Variants in VTI1B observed in about 807,000 individuals in gnomAD.
The protein encoded by VTI1B is vesicle transport through interaction with t-SNAREs 1B, also known as vesicle transport through interaction with t-SNAREs homolog 1B.
A neutral mutation model predicts 28.6 loss-of-function variants in VTI1B; 18 were observed. The ratio of observed to expected loss-of-function variants is 0.63; its 90% confidence interval spans 0.43 to 0.93. The LOEUF (loss-of-function observed/expected upper bound fraction) is 0.93. Ranked by LOEUF, VTI1B falls within the 40% of genes least tolerant of loss-of-function variation. VTI1B has a pLI of 0.00. For missense variants in VTI1B, 283 were observed against 297.0 expected (o/e 0.95, Z 0.35); for synonymous variants, 100 against 107.9 (o/e 0.93, Z 0.46).
At chr14:67,672,689 C>T (rs151164215) in intron 1 of VTI1B, among the ~76,000 whole-genome samples, 131 of 147,008 alleles carry the variant, frequency 8.9e-4, no homozygotes, top group African/African-American at 3.0e-3. Flanking sequence ...GTGATCCGCC[C>T]GCCTCGGCTT....
At chr14:67,657,456 C>T (rs2037272709) in intron 3 of VTI1B, among the ~76,000 whole-genome samples, 1 of 152,120 alleles carries the variant, frequency 6.6e-6, no homozygotes, top group African/African-American at 2.4e-5. Flanking sequence ...TTTCTAAATC[C>T]CCACCGAAGT....
At chr14:67,673,297 T>G (rs1200931534) in intron 1 of VTI1B, among the ~76,000 whole-genome samples, 1 of 151,972 alleles carries the variant, frequency 6.6e-6, no homozygotes, top group Non-Finnish European at 1.5e-5. Flanking sequence ...TGAGCCGAGA[T>G]CGTGCCACTG....
At chr14:67,662,359 A>T in intron 2 of VTI1B, 118 bp downstream of exon 2, 1 of 955,460 alleles carries the variant, frequency 1.0e-6, no homozygotes, top group Non-Finnish European at 1.6e-6. Flanking sequence ...ATTTAGTAAG[A>T]AATAGTCAAA....
chr14:67,660,885 A>G (rs933353282), intron 2 of VTI1B, among the ~76,000 whole-genome samples: 11 of 152,350 alleles, frequency 7.2e-5, no homozygotes, highest in African/African-American at 2.6e-4. Flanking sequence ...GAGAATGGCT[A>G]CAAACAGGTA....
rs369339972 is a variant in VTI1B at position 67,650,934 on chromosome 14, C to A, written c.*451G>T. 1.6e-5 allele frequency: 26 copies of A among 1,611,548 alleles called. No individual in the cohort carries two copies. The African/African-American group carries it at 3.2e-4, about 20-fold the overall frequency. The stretch of plus-strand genomic sequence containing the variant: ...GTGAGAATTTAGGAGACACTGTGCA[C>A]TGACATGTTTCACAACAGGCATTCC... On this transcript the variant is annotated 3_prime_UTR_variant, in exon 6 of 6. Coordinates refer to ENST00000554659, the MANE Select transcript of VTI1B (RefSeq NM_006370.3).
chr14:67,666,217 G>A (rs1351950166), intron 1 of VTI1B, among the ~76,000 whole-genome samples: 1 of 152,072 alleles, frequency 6.6e-6, no homozygotes, highest in Non-Finnish European at 1.5e-5. Context: ...ACTGTGTTTA[G>A]TCATAAATTC....
chr14:67,661,527 AC>A (rs1349558478), intron 2 of VTI1B, among the ~76,000 whole-genome samples: 3 of 136,076 alleles, frequency 2.2e-5, no homozygotes, highest in Non-Finnish European at 4.7e-5. Context: ...AAGAACAGTA[AC>A]CTTTTTTTTT....
intron 1 of VTI1B, among the ~76,000 whole-genome samples, chr14:67,670,153 C>T (rs1309079071): frequency 6.6e-6 from 1 of 152,174 alleles, no homozygotes; most frequent in African/African-American, 2.4e-5. Flanking sequence ...TTAACACAGT[C>T]CCCTGTACCC....
At position 67,651,160 on chromosome 14, in the gene VTI1B, C is replaced by A; in HGVS notation, c.*225G>T. On this transcript the variant is annotated 3_prime_UTR_variant, in exon 6 of 6. Transcript: ENST00000554659. ...CAGTACTATGTAAATTTAAAGAAGT[C>A]ATAAACAGCATTTATTACCTTGGTA... The A allele has an allele frequency of 1.0e-6, 1 of 976,056 alleles. No homozygotes were observed. The highest frequency in any genetic ancestry group is 1.5e-6 in the Non-Finnish European group (1 of 679,564). The allele number at this position is 976,056 out of a possible 1,614,324, so 60.5% of individuals were successfully genotyped here.
At chr14:67,673,914 C>T (rs560583934) in intron 1 of VTI1B, among the ~76,000 whole-genome samples, 7 of 152,312 alleles carry the variant, frequency 4.6e-5, no homozygotes, top group African/African-American at 1.4e-4. Context: ...GCTCTCTACC[C>T]TCCAATAACT....
Position 67,662,457 on chromosome 14 carries a change from A to G in VTI1B, c.174+20T>C. On this transcript the variant is annotated intron_variant, in intron 2 of 5. Coordinates refer to ENST00000554659, the MANE Select transcript of VTI1B (RefSeq NM_006370.3). ...GACCAACACCAGGTAGAAGAAACAA[A>G]ATTTGTTCCTTGTTCTCACCGTTTC... is the stretch of plus-strand genomic sequence containing the variant. 3 of 1,610,620 alleles carry G rather than the reference A, an allele frequency of 1.9e-6. No individual in the cohort carries two copies. The highest frequency in any genetic ancestry group is 2.5e-6 in the Non-Finnish European group (3 of 1,178,274).
chr14:67,671,054 G>C (rs2037459275), intron 1 of VTI1B, among the ~76,000 whole-genome samples: 1 of 152,236 alleles, frequency 6.6e-6, no homozygotes. Context: ...AGAGGATTCA[G>C]AGATGAGGCA....
chr14:67,660,794 G>C (rs776084779), intron 2 of VTI1B, among the ~76,000 whole-genome samples: 18 of 152,188 alleles, frequency 1.2e-4, no homozygotes, highest in Non-Finnish European at 4.4e-5. Flanking sequence ...TGAGTTTGGA[G>C]AAAACAAGTA....
At position 67,650,655 on chromosome 14, in the gene VTI1B, G is replaced by T; in HGVS notation, c.*730C>A. On this transcript the variant is annotated 3_prime_UTR_variant, in exon 6 of 6. Coordinates refer to ENST00000554659, the MANE Select transcript of VTI1B (RefSeq NM_006370.3). ...CTTGTTCTCCCTGTCCCAGTGGGAT[G>T]ACCCTCACTGAGAGTAGCAGCAAGG... 1 of 1,466,106 alleles carries T rather than the reference G, an allele frequency of 6.8e-7. No homozygotes were observed. The highest frequency in any genetic ancestry group is 1.1e-5 in the South Asian group (1 of 87,764). 90.8% of individuals were successfully genotyped at this position (1,466,106 alleles called of 1,614,324 possible). A position where few individuals can be genotyped will look rare whatever the true frequency, so the allele number is the denominator to read the frequency against.
intron 3 of VTI1B, among the ~76,000 whole-genome samples, chr14:67,657,622 ACC>A (rs1491311684): frequency 1.9e-3 from 265 of 136,596 alleles, no homozygotes; most frequent in Middle Eastern, 4.0e-3. Flanking sequence ...ACACACACAC[ACC>A]CAAAATCAAA....
intron 1 of VTI1B, 39 bp downstream of exon 1, chr14:67,674,336 G>A (rs2037506872): frequency 6.5e-7 from 1 of 1,532,390 alleles, no homozygotes; most frequent in African/African-American, 1.4e-5. Flanking sequence ...AAAGCGCGCA[G>A]GGCTGCGCTC....
At chr14:67,666,180 CTCCT>C (rs1399739316) in intron 1 of VTI1B, among the ~76,000 whole-genome samples, 33 of 152,358 alleles carry the variant, frequency 2.2e-4, no homozygotes, top group African/African-American at 7.9e-4. Flanking sequence ...CCCTTCCTAG[CTCCT>C]TCCTTTCCTA....
chr14:67,650,667 G>C lies in VTI1B; in HGVS notation c.*718C>G. ...GTCCCAGTGGGATGACCCTCACTGA[G>C]AGTAGCAGCAAGGGAACCTGAGGTT... On this transcript the variant is annotated 3_prime_UTR_variant, in exon 6 of 6. Coordinates refer to ENST00000554659, the MANE Select transcript of VTI1B (RefSeq NM_006370.3). 6.4e-7 allele frequency: 1 copy of C among 1,556,448 alleles called. No homozygotes were observed. The highest frequency in any genetic ancestry group is 1.1e-5 in the South Asian group (1 of 89,876).
chr14:67,656,459 T>C lies in VTI1B; in HGVS notation c.497A>G (p.Glu166Gly). ...TAACTGGTCTCGTTGTTCCCCCAGCTCTTCTATGATTTCTGAGCCAATCTG... is the reference window on the plus strand; with the variant it reads ...TAACTGGTCTCGTTGTTCCCCCAGCCCTTCTATGATTTCTGAGCCAATCTG... ...TDQIGSEIIE[E>G]LGEQRDQLER... The change falls in exon 4 of 6, where the codon GAG becomes GGG. Residue 166 changes from glutamate (E) to glycine (G), a missense_variant. Physicochemically the swap from Glu to Gly is moderately conservative, Grantham distance 98. Coordinates refer to ENST00000554659, the MANE Select transcript of VTI1B (RefSeq NM_006370.3). 1.9e-6 allele frequency: 3 copies of C among 1,613,686 alleles called. No individual in the cohort carries two copies. The highest frequency in any genetic ancestry group is 2.5e-6 in the Non-Finnish European group (3 of 1,179,790).
Sources: allele counts gnomAD v4.1 joint callset (sites outside exome capture counted in the v4.1 genomes callset), GRCh38; gene constraint gnomAD v4.1.1; transcripts MANE v1.5; gene names NCBI Gene and HGNC (gene_info 2026-07-23, HGNC 2026-07-21).